TENT4A: variants seen among roughly 807,000 people sequenced by gnomAD.
TENT4A encodes the protein terminal nucleotidyltransferase 4A, also known as DNA polymerase kappa.
In TENT4A, 7 loss-of-function variants were observed where a neutral mutation model predicts 72.8. The observed-to-expected ratio is 0.10, with a 90% CI of 0.05 to 0.18. The LOEUF is 0.18. Among genes scored for constraint, TENT4A ranks in the 10% least tolerant of loss-of-function variants. TENT4A has a pLI of 1.00. For synonymous variants in TENT4A, 456 were observed against 434.3 expected, an observed-to-expected ratio of 1.05 and a Z score of -0.62; for missense variants, 831 against 1,017.7, an observed-to-expected ratio of 0.82 and a Z score of 2.50.
intron 6 of TENT4A, 97 bp from the exon 7 acceptor site, chr5:6,746,117 C>A (rs1742081959): frequency 1.3e-6 from 2 of 1,588,766 alleles, no homozygotes; most frequent in Non-Finnish European, 1.7e-6. Context: ...ACTGGTATTG[C>A]CTTGAAGAGG....
Position 6,754,896 on chromosome 5 carries a change from A to G in TENT4A, c.2330A>G (p.Lys777Arg). ...HQYNRTGWRR[K>R]KHTHTRDSLP... ...TATAACCGCACCGGCTGGAGGAGGA[A>G]AAAACACACACACACACGGGACAGT... The change falls in exon 13 of 13, where the codon AAA (lysine) becomes AGA (arginine). Residue 777 changes from lysine (K) to arginine (R), a missense_variant. By Grantham distance (26) the Lys-to-Arg change is conservative. Coordinates refer to ENST00000230859, the MANE Select transcript of TENT4A (RefSeq NM_006999.6). The G allele has an allele frequency of 1.2e-6, 2 of 1,605,760 alleles. No individual in the cohort carries two copies. The highest frequency in any genetic ancestry group is 1.1e-5 in the South Asian group (1 of 90,704).
intron 5 of TENT4A, 106 bp downstream of exon 5, chr5:6,742,703 C>A: frequency 1.0e-5 from 7 of 694,726 alleles, no homozygotes; most frequent in South Asian, 8.0e-5. Flanking sequence ...ACAAGTCTTT[C>A]GTAACACAGA....
chr5:6,742,475 A>G lies in TENT4A; in HGVS notation c.1009-15A>G, dbSNP rs28381377. On this transcript the variant is annotated splice_polypyrimidine_tract_variant and intron_variant, in intron 4 of 12. Transcript: ENST00000230859. ...CCTGCATGTTAAAGCAGTTTTTAAA[A>G]TGAAATCTTTACAGGTACCAATAAT... 0.027 allele frequency: 41,251 copies of G among 1,552,312 alleles called. 710 individuals carry two copies. The highest frequency in any genetic ancestry group is 0.053 in the South Asian group (4,789 of 89,882).
At position 6,743,768 on chromosome 5, in the gene TENT4A, G is replaced by A. The variant is rs376422033; in HGVS notation, c.1173G>A (p.Arg391=). 6.2e-7 allele frequency: 1 copy of A among 1,612,304 alleles called. No homozygotes were observed. The highest frequency in any genetic ancestry group is 8.5e-7 in the Non-Finnish European group (1 of 1,178,380). The change falls in exon 6 of 13, where the codon AGG becomes AGA. Residue 391 remains arginine, a synonymous_variant. Coordinates refer to ENST00000230859, the MANE Select transcript of TENT4A (RefSeq NM_006999.6). ...ILVLKQFLLQ[R]DLNEVFTGGI... is the part of the protein sequence containing the mutation. ...TATTGAAACAGTTCCTTCTGCAGAG[G>A]GACCTGAATGAAGTTTTTACAGGTG... is the stretch of plus-strand genomic sequence containing the variant.
rs541247870 is a variant in TENT4A, at chr5:6,713,842, C to CCCGCCG, written c.-121_-116dup. On this transcript the variant is annotated 5_prime_UTR_variant, in exon 1 of 13. Transcript: ENST00000230859. The stretch of plus-strand genomic sequence containing the variant: ...GAGCAGGAGGCCGGGGCTCGGCCCG[C>CCCGCCG]CCGCCGCCGCCGCCGCCGCCGCCGC... The CCCGCCG allele has an allele frequency of 2.7e-3, 424 of 157,314 alleles. 6 individuals are homozygous for CCCGCCG. Among genetic ancestry groups the CCCGCCG allele is most frequent in the East Asian group, 4.3e-3 (21 of 4,878 alleles). The allele number at this position is 157,314 out of a possible 1,614,324, so 9.7% of individuals were successfully genotyped here.
chr5:6,715,759 A>G (rs1740347436), intron 1 of TENT4A, among the ~76,000 whole-genome samples: 1 of 152,212 alleles, frequency 6.6e-6, no homozygotes, highest in Non-Finnish European at 1.5e-5. Context: ...ATACTTCTTT[A>G]AAGCGTGTGA....
intron 5 of TENT4A, among the ~76,000 whole-genome samples, chr5:6,743,280 A>G (rs963519567): frequency 3.9e-5 from 6 of 152,084 alleles, no homozygotes; most frequent in Admixed American, 3.9e-4. Context: ...GCGCAACACG[A>G]ACAGCAGCAG....
intron 4 of TENT4A, among the ~76,000 whole-genome samples, 168 bp from the exon 5 acceptor site, chr5:6,742,322 C>T (rs1345760246): frequency 6.6e-6 from 1 of 152,144 alleles, no homozygotes; most frequent in East Asian, 1.9e-4. Flanking sequence ...GGGCTGGGGC[C>T]TGGGAGTCGT....
At chr5:6,743,363 C>G (rs902785602) in intron 5 of TENT4A, among the ~76,000 whole-genome samples, 1 of 152,162 alleles carries the variant, frequency 6.6e-6, no homozygotes, top group Non-Finnish European at 1.5e-5. Flanking sequence ...CTCTCCTGCT[C>G]CGGAGGCCCC....
rs1742718700 is a variant in TENT4A, at chr5:6,756,668, T to C, written c.*1723T>C. 6.6e-6 allele frequency: 1 copy of C among 152,608 alleles called. No individual in the cohort carries two copies. Among genetic ancestry groups the C allele is most frequent in the African/African-American group, 2.4e-5 (1 of 41,460 alleles). 9.5% of individuals were successfully genotyped at this position (152,608 alleles called of 1,614,324 possible). A position where few individuals can be genotyped will look rare whatever the true frequency, so the allele number is the denominator to read the frequency against. ...CGATGACCGAAAGTTATCAAAAATA[T>C]TTAAAATATTTAAATTGTGAACCTA... On this transcript the variant is annotated 3_prime_UTR_variant, in exon 13 of 13. Coordinates refer to ENST00000230859, the MANE Select transcript of TENT4A (RefSeq NM_006999.6).
rs375445893 is a variant in TENT4A at position 6,754,993 on chromosome 5, G to A, written c.*48G>A. 184 of 1,471,932 alleles carry A rather than the reference G, an allele frequency of 1.3e-4. No homozygotes were observed. The highest frequency in any genetic ancestry group is 7.2e-4 in the Middle Eastern group (4 of 5,536). 91.2% of individuals were successfully genotyped at this position (1,471,932 alleles called of 1,614,324 possible). On this transcript the variant is annotated 3_prime_UTR_variant, in exon 13 of 13. Transcript: ENST00000230859. Reference sequence around the variant, plus strand: ...CCCCCACCCCTCTGCAGACTGCCCCGCGGCCTCGGCCACCGGCAGGGGAAC... The same window carrying A: ...CCCCCACCCCTCTGCAGACTGCCCCACGGCCTCGGCCACCGGCAGGGGAAC...
At chr5:6,749,354 G>C (rs1346740679) in intron 8 of TENT4A, among the ~76,000 whole-genome samples, 1 of 152,234 alleles carries the variant, frequency 6.6e-6, no homozygotes, top group Non-Finnish European at 1.5e-5. Flanking sequence ...GTCTTCTGTA[G>C]GTAGATGTAC....
rs140853658 is a variant in TENT4A, at chr5:6,727,346, C to A, written c.717-10164C>A. On this transcript the variant is annotated intron_variant, in intron 1 of 12. Transcript: ENST00000230859. ...CATGCAGGCCGAGGGCCTGGCGTCT[C>A]AGCAGGAGGCAGTGGGGCCTTTGCT... 3.3e-5 allele frequency among the ~76,000 whole-genome samples: 5 copies of A among 152,352 alleles called. No homozygotes were observed. In the East Asian group the frequency reaches 9.7e-4, roughly 29 times the overall value.
At chr5:6,743,259 G>A (rs1741913999) in intron 5 of TENT4A, among the ~76,000 whole-genome samples, 1 of 152,052 alleles carries the variant, frequency 6.6e-6, no homozygotes, top group South Asian at 2.1e-4. Flanking sequence ...GAGGGAGCAT[G>A]TCCACCCCAA....
At chr5:6,752,603 A>G (rs1010454628) in intron 11 of TENT4A, among the ~76,000 whole-genome samples, 3 of 152,210 alleles carry the variant, frequency 2.0e-5, no homozygotes. Flanking sequence ...TGATGACTCT[A>G]ATGTCTTGAT....
chr5:6,752,464 A>G (rs1742458061), intron 11 of TENT4A, among the ~76,000 whole-genome samples: 1 of 152,266 alleles, frequency 6.6e-6, no homozygotes, highest in Admixed American at 6.5e-5. Flanking sequence ...GGACCTGGAC[A>G]GCAGGCAAGG....
At chr5:6,719,063 C>G (rs1740524141) in intron 1 of TENT4A, among the ~76,000 whole-genome samples, 1 of 151,868 alleles carries the variant, frequency 6.6e-6, no homozygotes, top group Non-Finnish European at 1.5e-5. Flanking sequence ...TGTGATGGAA[C>G]AACAGTGTCA....
At chr5:6,743,885 G>C (rs753655870) in intron 6 of TENT4A, 45 bp downstream of exon 6, 4 of 1,593,464 alleles carry the variant, frequency 2.5e-6, no homozygotes, top group South Asian at 2.3e-5. Context: ...ACATGTGTAA[G>C]AGTAGACTCT....
chr5:6,739,013 G>A (rs979671256), intron 3 of TENT4A, among the ~76,000 whole-genome samples: 3 of 152,322 alleles, frequency 2.0e-5, no homozygotes, highest in South Asian at 4.1e-4. Context: ...GGAAGTAAAC[G>A]CAATAGAAGA....
Sources: gnomAD v4.1 joint callset for allele counts (sites outside exome capture counted in the v4.1 genomes callset) on GRCh38, gnomAD v4.1.1 for gene constraint, MANE v1.5 for transcripts, NCBI Gene and HGNC (gene_info 2026-07-23, HGNC 2026-07-21) for gene names.